The following NTRK2 variants were observed in gnomAD, a reference collection of about 807,000 sequenced individuals.
NTRK2 encodes the protein neurotrophic receptor tyrosine kinase 2, also known as BDNF/NT-3 growth factors receptor.
In NTRK2, 13 loss-of-function variants were observed where a neutral mutation model predicts 94.5. The observed-to-expected ratio is 0.14, with a 90% CI of 0.09 to 0.22. The LOEUF (loss-of-function observed/expected upper bound fraction) is 0.22. NTRK2 is among the 10% of genes least tolerant of loss of function. The pLI, the probability that NTRK2 is intolerant of heterozygous loss-of-function variation, is 1.00. For synonymous variants in NTRK2, 372 were observed against 407.4 expected, an observed-to-expected ratio of 0.91 and a Z score of 1.05; for missense variants, 639 against 1,071.2, an observed-to-expected ratio of 0.60 and a Z score of 5.63.
chr9:84,724,286 G>A lies in NTRK2; in HGVS notation c.783G>A (p.Gly261=). 1.2e-6 allele frequency: 2 copies of A among 1,614,118 alleles called. No individual in the cohort carries two copies. The highest frequency in any genetic ancestry group is 1.7e-6 in the Non-Finnish European group (2 of 1,179,956). Residue 261 remains glycine, a synonymous_variant, in exon 8 of 19, where the codon GGG becomes GGA. Coordinates refer to ENST00000277120, the MANE Select transcript of NTRK2 (RefSeq NM_006180.6). The stretch of plus-strand genomic sequence containing the variant: ...CTAACATTTCATCCGATGACAGTGG[G>A]AAGCAGATCTCTTGTGTGGCGGAAA... ...RITNISSDDS[G]KQISCVAENL...
At chr9:84,763,824 C>A (rs12235397) in intron 12 of NTRK2, among the ~76,000 whole-genome samples, 1 of 150,570 alleles carries the variant, frequency 6.6e-6, no homozygotes, top group Admixed American at 6.7e-5. Flanking sequence ...AAAGTTCATG[C>A]GTTGCATTTT....
intron 8 of NTRK2, among the ~76,000 whole-genome samples, chr9:84,726,423 G>A (rs370260307): frequency 1.8e-4 from 27 of 152,298 alleles, no homozygotes; most frequent in African/African-American, 6.3e-4. Flanking sequence ...GGAGGCAGAG[G>A]TTGCAGTAAG....
At chr9:84,752,125 A>G (rs201756508) in intron 12 of NTRK2, 40 bp downstream of exon 12, 32 of 1,505,664 alleles carry the variant, frequency 2.1e-5, no homozygotes, top group Non-Finnish European at 2.8e-5. Flanking sequence ...TATGTGGATC[A>G]TTTTTGGCTT....
chr9:84,710,773 C>A lies in NTRK2; in HGVS notation c.565C>A (p.Leu189Met). 1 of 1,614,148 alleles carries A rather than the reference C, an allele frequency of 6.2e-7. No individual in the cohort carries two copies. Among genetic ancestry groups the A allele is most frequent in the Non-Finnish European group, 8.5e-7 (1 of 1,179,996 alleles). Residue 189 changes from leucine to methionine, a missense_variant, in exon 6 of 19, where the codon CTG (leucine) becomes ATG (methionine). Leu to Met is a conservative substitution (Grantham distance 15). Coordinates refer to ENST00000277120, the MANE Select transcript of NTRK2 (RefSeq NM_006180.6). ...ESSKNIPLANLQIPNCGLPSA... is the reference protein window; with the variant it reads ...ESSKNIPLANMQIPNCGLPSA... ...CAGCAAGAATATTCCCCTGGCAAAC[C>A]TGCAGATACCCAATTGTGGTAATTT... is the stretch of plus-strand genomic sequence containing the variant.
intron 14 of NTRK2, among the ~76,000 whole-genome samples, chr9:84,924,038 C>T (rs1203394107): frequency 6.6e-6 from 1 of 151,970 alleles, no homozygotes; most frequent in Non-Finnish European, 1.5e-5. Flanking sequence ...AAACAGACAC[C>T]AGCAAAGAGA....
intron 10 of NTRK2, among the ~76,000 whole-genome samples, chr9:84,743,982 G>C (rs1234636093): frequency 6.6e-6 from 1 of 152,068 alleles, no homozygotes; most frequent in African/African-American, 2.4e-5. Flanking sequence ...ATTTAAATTG[G>C]TTGCCCTGAG....
chr9:84,765,088 G>C (rs1220787222), intron 12 of NTRK2, among the ~76,000 whole-genome samples: 1 of 152,170 alleles, frequency 6.6e-6, no homozygotes, highest in Non-Finnish European at 1.5e-5. Flanking sequence ...AGGTTGTGAG[G>C]ATGGTTAATG....
At chr9:84,771,835 G>A (rs1246882141) in intron 12 of NTRK2, among the ~76,000 whole-genome samples, 2 of 152,178 alleles carry the variant, frequency 1.3e-5, no homozygotes, top group Non-Finnish European at 2.9e-5. Context: ...ATGTTTTCCT[G>A]TTAATCTTCC....
At chr9:84,830,454 T>C (rs149725983) in intron 12 of NTRK2, among the ~76,000 whole-genome samples, 34 of 152,094 alleles carry the variant, frequency 2.2e-4, no homozygotes, top group Non-Finnish European at 8.8e-5. Context: ...TCCTTATTAT[T>C]TTCCTGTCTC....
chr9:85,005,273 C>G (rs573740202), intron 17 of NTRK2, among the ~76,000 whole-genome samples: 1 of 152,282 alleles, frequency 6.6e-6, no homozygotes, highest in African/African-American at 2.4e-5. Flanking sequence ...GGTCATGCCA[C>G]CAGGTGGACT....
chr9:85,004,047 G>GAAAGAAAAGAAAGAAAGAA (rs1564542231), intron 17 of NTRK2, among the ~76,000 whole-genome samples: 17 of 39,798 alleles, frequency 4.3e-4, no homozygotes, highest in Non-Finnish European at 7.4e-4. Context: ...GAAAGAAAGG[G>GAAAGAAAAGAAAGAAAGAA]AGAAAGAGAA....
At chr9:84,820,310 C>T (rs1279203520) in intron 12 of NTRK2, among the ~76,000 whole-genome samples, 1 of 151,918 alleles carries the variant, frequency 6.6e-6, no homozygotes, top group African/African-American at 2.4e-5. Flanking sequence ...GCTGGGACTA[C>T]AGGCGTGCAC....
chr9:84,996,507 C>T (rs553699625), intron 17 of NTRK2, among the ~76,000 whole-genome samples: 1 of 152,344 alleles, frequency 6.6e-6, no homozygotes, highest in Non-Finnish European at 1.5e-5. Context: ...TATCTCCTGA[C>T]ATCACACACG....
chr9:84,705,554 G>A (rs1257828876), intron 4 of NTRK2, among the ~76,000 whole-genome samples: 5 of 152,208 alleles, frequency 3.3e-5, no homozygotes, highest in East Asian at 1.9e-4. Flanking sequence ...GCAGCTCTGC[G>A]GGGCGGCGGT....
chr9:84,904,548 G>A (rs1034849709), intron 14 of NTRK2, among the ~76,000 whole-genome samples: 1 of 152,194 alleles, frequency 6.6e-6, no homozygotes, highest in African/African-American at 2.4e-5. Flanking sequence ...TCAAATTTCT[G>A]TGAATGTTTT....
intron 11 of NTRK2, among the ~76,000 whole-genome samples, chr9:84,746,832 G>A (rs2064124300): frequency 6.6e-6 from 1 of 152,048 alleles, no homozygotes. Context: ...ATTTTCTTCT[G>A]AGCAGTTATC....
chr9:84,708,488 G>A (rs1023034155), intron 5 of NTRK2, among the ~76,000 whole-genome samples: 2 of 152,134 alleles, frequency 1.3e-5, no homozygotes, highest in African/African-American at 2.4e-5. Flanking sequence ...GATAGAAAAC[G>A]TATTGAAAGG....
chr9:84,806,080 G>A (rs960023380), intron 12 of NTRK2, among the ~76,000 whole-genome samples: 1 of 152,198 alleles, frequency 6.6e-6, no homozygotes, highest in Non-Finnish European at 1.5e-5. Context: ...CCTTACTATT[G>A]TGAAACCAAA....
At chr9:84,715,376 C>T (rs969878789) in intron 6 of NTRK2, among the ~76,000 whole-genome samples, 6 of 151,872 alleles carry the variant, frequency 4.0e-5, no homozygotes, top group African/African-American at 1.2e-4. Flanking sequence ...AGAGATTAAT[C>T]GAGCATGATA....
Sources: allele counts gnomAD v4.1 joint callset (sites outside exome capture counted in the v4.1 genomes callset), GRCh38; gene constraint gnomAD v4.1.1; transcripts MANE v1.5; gene names NCBI Gene and HGNC (gene_info 2026-07-23, HGNC 2026-07-21).